The following CDH4 variants were observed in gnomAD, a reference collection of about 807,000 sequenced individuals.
CDH4 encodes cadherin-4.
A neutral mutation model predicts 86.0 loss-of-function variants in CDH4; 33 were observed. The observed-to-expected ratio is 0.38, with a 90% CI of 0.29 to 0.51. The LOEUF is 0.51. Ranked by LOEUF, CDH4 falls within the 20% of genes least tolerant of loss-of-function variation. CDH4 has a pLI of 0.86. For missense variants in CDH4, 1,114 were observed against 1,307.4 expected (o/e 0.85, Z 2.28); for synonymous variants, 555 against 549.4 (o/e 1.01, Z -0.14).
intron 2 of CDH4, chr20:61,437,110 G>A (rs2085287423): frequency 6.6e-6 from 1 of 152,286 alleles, no homozygotes; most frequent in Admixed American, 6.5e-5. Context: ...GACTTGCAAG[G>A]AGACCGTAGA....
chr20:61,381,146 T>C lies in CDH4; in HGVS notation c.169+126209T>C, dbSNP rs150806565. Among the ~76,000 whole-genome samples the C allele has an allele frequency of 1.6e-3, 251 of 152,274 alleles. 1 individual carries two copies. The highest frequency in any genetic ancestry group is 5.8e-3 in the African/African-American group (241 of 41,552). On this transcript the variant is annotated intron_variant, in intron 2 of 15. Transcript: ENST00000614565. ...TCCCCTAGCCTGTATGGAGTAGTGA[T>C]CTCGAATGAGGCTCGGGGTGCCTGC...
intron 4 of CDH4, among the ~76,000 whole-genome samples, chr20:61,817,465 G>A (rs796918936): frequency 1.3e-5 from 2 of 152,232 alleles, no homozygotes; most frequent in African/African-American, 4.8e-5. Flanking sequence ...ACACTCCTAG[G>A]CCCACACAAG....
intron 4 of CDH4, among the ~76,000 whole-genome samples, chr20:61,826,169 C>G (rs1362519675): frequency 6.6e-6 from 1 of 152,174 alleles, no homozygotes; most frequent in African/African-American, 2.4e-5. Context: ...TGGTGTCATC[C>G]CTTCTCGTGG....
chr20:61,583,895 A>G (rs2145722958), intron 2 of CDH4, among the ~76,000 whole-genome samples: 1 of 152,322 alleles, frequency 6.6e-6, no homozygotes, highest in Middle Eastern at 3.4e-3. Context: ...ACGGTGGCTC[A>G]CACCTGTAAT....
intron 4 of CDH4, among the ~76,000 whole-genome samples, chr20:61,776,166 C>A (rs2088840452): frequency 6.6e-6 from 1 of 152,160 alleles, no homozygotes; most frequent in African/African-American, 2.4e-5. Context: ...TCATGAGAGC[C>A]CACCTTACGC....
chr20:61,341,905 C>T lies in CDH4; in HGVS notation c.169+86968C>T, dbSNP rs558894575. The stretch of plus-strand genomic sequence containing the variant: ...AGGACAGTCATTTCCTAGGGGTTTG[C>T]GTCTCCTTTTCTTGCCCCCAGTATC... On this transcript the variant is annotated intron_variant, in intron 2 of 15. Coordinates refer to ENST00000614565, the MANE Select transcript of CDH4 (RefSeq NM_001794.5). Among the ~76,000 whole-genome samples the T allele has an allele frequency of 1.4e-4, 21 of 152,276 alleles. No homozygotes were observed. In the South Asian group the frequency reaches 3.5e-3, roughly 26 times the overall value.
chr20:61,528,444 A>AG (rs1371301573), intron 2 of CDH4, among the ~76,000 whole-genome samples: 3 of 18,810 alleles, frequency 1.6e-4, no homozygotes, highest in Admixed American at 1.5e-3. Flanking sequence ...AAGGGAGGGG[A>AG]GGGGGGTGGA....
chr20:61,860,600 C>T (rs758616970), intron 6 of CDH4, among the ~76,000 whole-genome samples: 1 of 152,160 alleles, frequency 6.6e-6, no homozygotes, highest in Non-Finnish European at 1.5e-5. Flanking sequence ...GCAGAAACAG[C>T]ACCTCAGAAG....
chr20:61,795,909 C>T (rs1010282208), intron 4 of CDH4, among the ~76,000 whole-genome samples: 2 of 152,126 alleles, frequency 1.3e-5, no homozygotes, highest in African/African-American at 2.4e-5. Flanking sequence ...CTAAGAAGGG[C>T]GGGCTTTGTC....
intron 2 of CDH4, among the ~76,000 whole-genome samples, chr20:61,550,045 C>T (rs1024485344): frequency 1.3e-5 from 2 of 151,756 alleles, no homozygotes; most frequent in African/African-American, 4.8e-5. Flanking sequence ...CCCTGGCCTC[C>T]CTGCCCCAAC....
chr20:61,626,585 G>A (rs750011536), intron 2 of CDH4, among the ~76,000 whole-genome samples: 4 of 152,164 alleles, frequency 2.6e-5, no homozygotes, highest in East Asian at 1.9e-4. Flanking sequence ...GCTGGCTGGC[G>A]CCCGGCCTTG....
intron 2 of CDH4, among the ~76,000 whole-genome samples, chr20:61,422,575 T>A (rs1600964119): frequency 6.6e-6 from 1 of 151,700 alleles, no homozygotes; most frequent in Non-Finnish European, 1.5e-5. Flanking sequence ...TAAGGGTGCA[T>A]GCCAGAAATT....
At chr20:61,702,134 T>C (rs1003943754) in intron 2 of CDH4, among the ~76,000 whole-genome samples, 2 of 152,246 alleles carry the variant, frequency 1.3e-5, no homozygotes, top group Non-Finnish European at 2.9e-5. Flanking sequence ...TCAGCTCTGT[T>C]GAGTGGTTCT....
rs2086063334 is a variant in CDH4, at chr20:61,544,545, A to G, written c.170-199018A>G. Among the ~76,000 whole-genome samples, 1 of 151,624 alleles carries G rather than the reference A, an allele frequency of 6.6e-6. No homozygotes were observed. Among genetic ancestry groups the G allele is most frequent in the African/African-American group, 2.4e-5 (1 of 41,268 alleles). ...AGCAGTCCATGCAATGGCAGCCGCC[A>G]AGCAGAGACGGTGACGGGATCCCTG... is the stretch of plus-strand genomic sequence containing the variant. On this transcript the variant is annotated intron_variant, in intron 2 of 15. Transcript: ENST00000614565. The surrounding 1 kb of genome is among the most constrained non-coding windows in gnomAD (Gnocchi z 6.5).
chr20:61,628,189 G>T (rs1395072342), intron 2 of CDH4, among the ~76,000 whole-genome samples: 2 of 152,170 alleles, frequency 1.3e-5, no homozygotes, highest in African/African-American at 4.8e-5. Context: ...CACATGTGCG[G>T]TTTCCCCTTC....
chr20:61,901,503 C>T (rs1356602592), intron 8 of CDH4, among the ~76,000 whole-genome samples: 2 of 152,224 alleles, frequency 1.3e-5, no homozygotes, highest in Admixed American at 6.5e-5. Flanking sequence ...CGTCGGGGGG[C>T]GCAGCAGACC....
chr20:61,921,149 T>C (rs1208284317), intron 9 of CDH4, among the ~76,000 whole-genome samples: 2 of 147,206 alleles, frequency 1.4e-5, no homozygotes, highest in African/African-American at 2.5e-5. Flanking sequence ...CGTGGTGTCA[T>C]GATTGCATGG....
chr20:61,347,111 C>T (rs1179620529), intron 2 of CDH4, among the ~76,000 whole-genome samples: 1 of 152,192 alleles, frequency 6.6e-6, no homozygotes, highest in Non-Finnish European at 1.5e-5. Context: ...GAACTCCCAG[C>T]AGGAACCTAC....
At chr20:61,367,343 A>G (rs921786051) in intron 2 of CDH4, among the ~76,000 whole-genome samples, 4 of 152,254 alleles carry the variant, frequency 2.6e-5, no homozygotes, top group Non-Finnish European at 5.9e-5. Context: ...GTCAGTAAAT[A>G]AGTGGACGAA....
Sources: allele counts gnomAD v4.1 joint callset (sites outside exome capture counted in the v4.1 genomes callset), GRCh38; gene constraint gnomAD v4.1.1; non-coding constraint Gnocchi (gnomAD v3.1); transcripts MANE v1.5; gene names NCBI Gene and HGNC (gene_info 2026-07-23, HGNC 2026-07-21).